Variants in PTPN23 observed in about 807,000 individuals in gnomAD.
The protein encoded by PTPN23 is tyrosine-protein phosphatase non-receptor type 23.
PTPN23 carries 72 observed loss-of-function variants against 156.3 expected under a neutral mutation model. The ratio of observed to expected loss-of-function variants is 0.46; its 90% CI spans 0.38 to 0.56. The LOEUF (loss-of-function observed/expected upper bound fraction) is 0.56, where lower values mean the gene tolerates loss of function less well. Among genes scored for constraint, PTPN23 ranks in the 20% least tolerant of loss-of-function variants. The pLI is 0.00. For synonymous variants in PTPN23, 957 were observed against 899.6 expected, an observed-to-expected ratio of 1.06 and a Z score of -1.14; for missense variants, 1,974 against 2,171.5, an observed-to-expected ratio of 0.91 and a Z score of 1.81.
chr3:47,396,160 T>C lies in PTPN23; in HGVS notation c.102T>C (p.Tyr34=), dbSNP rs768062833. The change falls in exon 2 of 25, where the codon TAT becomes TAC. Residue 34 remains tyrosine (Y), a synonymous_variant. Transcript: ENST00000265562. ...PAVKKFVLKN[Y]GENPEAYNEE... is the part of the protein sequence containing the mutation. ...CTCTGTAGTTTGTCCTGAAGAATTATGGAGAGAACCCAGAAGCCTACAATG... is the reference window on the plus strand; with the variant it reads ...CTCTGTAGTTTGTCCTGAAGAATTACGGAGAGAACCCAGAAGCCTACAATG... The C allele has an allele frequency of 3.1e-6, 5 of 1,613,024 alleles. No individual in the cohort carries two copies. The highest frequency in any genetic ancestry group is 3.4e-6 in the Non-Finnish European group (4 of 1,179,232).
chr3:47,408,532 G>A, intron 15 of PTPN23, 42 bp downstream of exon 15: 2 of 1,583,430 alleles, frequency 1.3e-6, no homozygotes, highest in Non-Finnish European at 1.7e-6. Flanking sequence ...GGAGTGTGGA[G>A]GTCATCTGCT....
At chr3:47,387,814 A>C (rs894134290) in intron 1 of PTPN23, among the ~76,000 whole-genome samples, 2 of 152,224 alleles carry the variant, frequency 1.3e-5, no homozygotes, top group African/African-American at 2.4e-5. Flanking sequence ...CTAGTACAAG[A>C]GAAGGTGACA....
chr3:47,412,979 A>G lies in PTPN23; in HGVS notation c.4705A>G (p.Ser1569Gly). 7.6e-7 allele frequency: 1 copy of G among 1,321,002 alleles called. No individual in the cohort carries two copies. The highest frequency in any genetic ancestry group is 9.9e-7 in the Non-Finnish European group (1 of 1,009,744). 81.8% of individuals were successfully genotyped at this position (1,321,002 alleles called of 1,614,324 possible). A position where few individuals can be genotyped will look rare whatever the true frequency, so the allele number is the denominator to read the frequency against. The part of the protein sequence containing the change: ...KEEPPVPEAP[S>G]SGPPSSSLEL... ...GGAGCCGCCAGTGCCTGAAGCCCCC[A>G]GCTCGGGGCCCCCCTCCTCCTCCCT... The change falls in exon 25 of 25, where the codon AGC (serine) becomes GGC (glycine). Residue 1569 changes from serine to glycine, a missense_variant. Physicochemically the swap from Ser to Gly is moderately conservative, Grantham distance 56 (BLOSUM62 0). This residue lies in a region of PTPN23 where 484 missense variants were observed against 516.0 expected (regional missense o/e 0.94). Coordinates refer to ENST00000265562, the MANE Select transcript of PTPN23 (RefSeq NM_015466.4).
At position 47,408,617 on chromosome 3, in the gene PTPN23, C is replaced by T. The variant is rs547617531; in HGVS notation, c.1330+127C>T. On this transcript the variant is annotated intron_variant, in intron 15 of 24. Coordinates refer to ENST00000265562, the MANE Select transcript of PTPN23 (RefSeq NM_015466.4). ...TAGGCCCTGGCTTGGGCATCCACACCCACTCCTCTGAATCAGCATACCTCT... is the reference window on the plus strand; with the variant it reads ...TAGGCCCTGGCTTGGGCATCCACACTCACTCCTCTGAATCAGCATACCTCT... 8.0e-5 allele frequency: 115 copies of T among 1,431,458 alleles called. 2 individuals are homozygous for T. In the South Asian group the frequency reaches 1.4e-3, roughly 17 times the overall value. The allele number at this position is 1,431,458 out of a possible 1,614,324, so 88.7% of individuals were successfully genotyped here.
Position 47,395,443 on chromosome 3 carries a change from G to A in PTPN23, c.85-700G>A, listed in dbSNP as rs190463705. Among the ~76,000 whole-genome samples, 49 of 152,302 alleles carry A rather than the reference G, an allele frequency of 3.2e-4. No individual in the cohort carries two copies. The East Asian group carries it at 8.9e-3, about 28-fold the overall frequency. The stretch of plus-strand genomic sequence containing the variant: ...GTCTGGTGATCTGAGTTGAACAGGG[G>A]GCCCTTTGGGCTAAGCCTGTGCCTC... On this transcript the variant is annotated intron_variant, in intron 1 of 24. Coordinates refer to ENST00000265562, the MANE Select transcript of PTPN23 (RefSeq NM_015466.4).
At position 47,408,762 on chromosome 3, in the gene PTPN23, A is replaced by G. The variant is rs2107719073; in HGVS notation, c.1331-14A>G. On this transcript the variant is annotated splice_polypyrimidine_tract_variant and intron_variant, in intron 15 of 24. Transcript: ENST00000265562. ...GCCTGCCTCAGGGGCTGCCTGTACA[A>G]TCCACAACCCCAGTGCTGTCAGGTG... 6.4e-7 allele frequency: 1 copy of G among 1,574,282 alleles called. No homozygotes were observed. Among genetic ancestry groups the G allele is most frequent in the Non-Finnish European group, 8.6e-7 (1 of 1,158,308 alleles).
chr3:47,411,176 C>G lies in PTPN23; in HGVS notation c.3378C>G (p.Ser1126Arg). The change falls in exon 20 of 25, where the codon AGC (serine) becomes AGG (arginine). Residue 1126 changes from serine to arginine, a missense_variant. By Grantham distance (110) the Ser-to-Arg change is moderately radical. Around this residue, in one of 4 missense-constraint regions of PTPN23, gnomAD observed 731 missense variants for 669.1 expected, o/e 1.09. Coordinates refer to ENST00000265562, the MANE Select transcript of PTPN23 (RefSeq NM_015466.4). This position sits in a 1 kb window ranked among gnomAD's most constrained non-coding sequence, Gnocchi z 6.3. The stretch of plus-strand genomic sequence containing the variant: ...ACCTGCTCTCCTCCAGCCCGGAGAG[C>G]CAGCATGGCGGCACTCAGTCTCCTG... ...AADLLSSSPE[S>R]QHGGTQSPGG... The G allele has an allele frequency of 6.2e-7, 1 of 1,602,864 alleles. No homozygotes were observed. The highest frequency in any genetic ancestry group is 8.5e-7 in the Non-Finnish European group (1 of 1,176,814).
chr3:47,389,668 G>A (rs1025288586), intron 1 of PTPN23, among the ~76,000 whole-genome samples: 20 of 151,916 alleles, frequency 1.3e-4, no homozygotes, highest in Non-Finnish European at 8.8e-5. Context: ...GTGAATCCCC[G>A]TCTCCACTAA....
intron 1 of PTPN23, among the ~76,000 whole-genome samples, chr3:47,388,998 A>G (rs1367362668): frequency 2.0e-5 from 3 of 151,934 alleles, no homozygotes; most frequent in African/African-American, 4.8e-5. Flanking sequence ...CTATCTAACT[A>G]TATTTTTGTA....
In PTPN23 at chr3:47,409,934, G is replaced by A. The variant is rs539926264; in HGVS notation, c.2136G>A (p.Leu712=). ...TTCCTTGCCTGTCGCACAGGGAGCT[G>A]AAGAAGAAGCCGCCGCCACGGCCCA... The part of the protein sequence containing the change: ...AARQQLLDRE[L]KKKPPPRPTA... Residue 712 remains leucine, a synonymous_variant, in exon 20 of 25, where the codon CTG becomes CTA. Coordinates refer to ENST00000265562, the MANE Select transcript of PTPN23 (RefSeq NM_015466.4). 194 of 1,569,432 alleles carry A rather than the reference G, an allele frequency of 1.2e-4. No homozygotes were observed. The East Asian group carries it at 2.9e-3, about 23-fold the overall frequency.
chr3:47,394,870 C>T (rs997462355), intron 1 of PTPN23, among the ~76,000 whole-genome samples: 4 of 152,040 alleles, frequency 2.6e-5, no homozygotes, highest in African/African-American at 7.2e-5. Context: ...CAATTCTGGC[C>T]ACTTGGTAAG....
rs986734495 is a variant in PTPN23 at position 47,412,039 on chromosome 3, A to C, written c.4074-55A>C. On this transcript the variant is annotated intron_variant, in intron 21 of 24. Coordinates refer to ENST00000265562, the MANE Select transcript of PTPN23 (RefSeq NM_015466.4). ...AGTCCTTGGTGCTGGGAGGGATGAG[A>C]GCCTCAGGTCAGGCCTGGCTCATAG... 8.7e-6 allele frequency: 14 copies of C among 1,609,058 alleles called. No homozygotes were observed. In the African/African-American group the frequency reaches 9.4e-5, roughly 11 times the overall value.
At chr3:47,394,577 G>C (rs909488913) in intron 1 of PTPN23, among the ~76,000 whole-genome samples, 1 of 152,044 alleles carries the variant, frequency 6.6e-6, no homozygotes, top group African/African-American at 2.4e-5. Context: ...GACCTGAAGT[G>C]ATCCTCCCAC....
At position 47,406,265 on chromosome 3, in the gene PTPN23, G is replaced by T; in HGVS notation, c.547-60G>T. 1 of 1,588,978 alleles carries T rather than the reference G, an allele frequency of 6.3e-7. No homozygotes were observed. Among genetic ancestry groups the T allele is most frequent in the South Asian group, 1.1e-5 (1 of 89,864 alleles). On this transcript the variant is annotated intron_variant, in intron 6 of 24. Coordinates refer to ENST00000265562, the MANE Select transcript of PTPN23 (RefSeq NM_015466.4). The surrounding 1 kb of genome is among the most constrained non-coding windows in gnomAD (Gnocchi z 5.8). ...CAGTCTGCCCCTGGGGAAGGATAAA[G>T]GGAAGGGGAAGCGGGAGGCCTTGGG...
Position 47,381,168 on chromosome 3 carries a change from A to T in PTPN23, c.72A>T (p.Pro24=), listed in dbSNP as rs1341750934. The change falls in exon 1 of 25, where the codon CCA becomes CCT. Residue 24 remains proline (P), a synonymous_variant. Coordinates refer to ENST00000265562, the MANE Select transcript of PTPN23 (RefSeq NM_015466.4). The part of the protein sequence containing the change: ...LKEAGDFHFQ[P]AVKKFVLKNY... The stretch of plus-strand genomic sequence containing the variant: ...AGGCCGGTGACTTTCACTTCCAGCC[A>T]GCTGTGAAGAAGGTGAGCTTGCCTT... 2 of 1,586,552 alleles carry T rather than the reference A, an allele frequency of 1.3e-6. No homozygotes were observed. The highest frequency in any genetic ancestry group is 1.7e-6 in the Non-Finnish European group (2 of 1,167,010).
Position 47,412,413 on chromosome 3 carries a change from CAGG to C in PTPN23, c.4312_4314del (p.Glu1438del), listed in dbSNP as rs760387665. 1.2e-5 allele frequency: 20 copies of C among 1,612,816 alleles called. No homozygotes were observed. The highest frequency in any genetic ancestry group is 1.2e-4 in the South Asian group (11 of 91,078). On this transcript the variant is annotated inframe_deletion, in exon 23 of 25. Transcript: ENST00000265562. ...GCGGCAGCAGAGAAAGCACATGCTG[CAGG>C]AGAAGGTGAGGATCTGGGCAGATGG...
chr3:47,411,770 A>C lies in PTPN23; in HGVS notation c.3889-13A>C, dbSNP rs761305826. 11 of 1,600,874 alleles carry C rather than the reference A, an allele frequency of 6.9e-6. No homozygotes were observed. The highest frequency in any genetic ancestry group is 8.5e-6 in the Non-Finnish European group (10 of 1,171,708). On this transcript the variant is annotated splice_polypyrimidine_tract_variant and intron_variant, in intron 20 of 24. Transcript: ENST00000265562. The surrounding 1 kb of genome is among the most constrained non-coding windows in gnomAD (Gnocchi z 6.3). ...TGGAAAACCAGGTCTGTCTTGGCTT[A>C]TCTGTCCCTCAGCAAAAAGTGGCAC...
intron 1 of PTPN23, among the ~76,000 whole-genome samples, chr3:47,381,794 C>CT (rs1704545899): frequency 6.6e-6 from 1 of 152,174 alleles, no homozygotes; most frequent in South Asian, 2.1e-4. Context: ...AGGGTTACTG[C>CT]TTTTCGTAAC....
Position 47,412,873 on chromosome 3 carries a change from C to G in PTPN23, c.4599C>G (p.Ser1533Arg), listed in dbSNP as rs761903796. 3 of 1,612,248 alleles carry G rather than the reference C, an allele frequency of 1.9e-6. No individual in the cohort carries two copies. Among genetic ancestry groups the G allele is most frequent in the South Asian group, 2.2e-5 (2 of 91,056 alleles). Residue 1533 changes from serine to arginine, a missense_variant, in exon 25 of 25, where the codon AGC (serine) becomes AGG (arginine). Coordinates refer to ENST00000265562, the MANE Select transcript of PTPN23 (RefSeq NM_015466.4). ...PAEPPGLPPA[S>R]LPESTPIPSS... is the part of the protein sequence containing the mutation. ...AGCCCCCAGGCCTCCCGCCAGCCAGCCTCCCAGAGTCTACCCCAATCCCAT... is the reference window on the plus strand; with the variant it reads ...AGCCCCCAGGCCTCCCGCCAGCCAGGCTCCCAGAGTCTACCCCAATCCCAT...
Sources: gnomAD v4.1 joint callset for allele counts (sites outside exome capture counted in the v4.1 genomes callset) on GRCh38, gnomAD v4.1.1 for gene constraint, gnomAD v4.1.1 regional missense constraint, Gnocchi (gnomAD v3.1) non-coding constraint, MANE v1.5 for transcripts, NCBI Gene and HGNC (gene_info 2026-07-23, HGNC 2026-07-21) for gene names.